Variants in TSC22D1 observed in about 807,000 individuals in gnomAD.
TSC22D1 encodes TSC22 domain family member 1, also known as TSC22 domain family protein 1.
A neutral mutation model predicts 74.2 loss-of-function variants in TSC22D1; 9 were observed. That is an observed-to-expected ratio of 0.12 (90% CI 0.07 to 0.21). The LOEUF (loss-of-function observed/expected upper bound fraction) is 0.21, where lower values mean the gene tolerates loss of function less well. Ranked by LOEUF, TSC22D1 falls within the 10% of genes least tolerant of loss-of-function variation. TSC22D1 has a pLI of 1.00. For synonymous variants in TSC22D1, 586 were observed against 492.5 expected (o/e 1.19, Z -2.51); for missense variants, 1,427 against 1,304.7 (o/e 1.09, Z -1.44).
intron 1 of TSC22D1, among the ~76,000 whole-genome samples, chr13:44,548,628 C>G (rs1881986752): frequency 6.6e-6 from 1 of 152,018 alleles, no homozygotes; most frequent in African/African-American, 2.4e-5. Flanking sequence ...TTTTACAAGA[C>G]AGTAAAACTT....
intron 1 of TSC22D1, among the ~76,000 whole-genome samples, chr13:44,515,086 A>G (rs1187558538): frequency 6.6e-6 from 1 of 152,184 alleles, no homozygotes; most frequent in African/African-American, 2.4e-5. Context: ...ATAGTCATCA[A>G]AATTATAAAA....
At chr13:44,526,051 A>G (rs1401898724) in intron 1 of TSC22D1, among the ~76,000 whole-genome samples, 9 of 152,178 alleles carry the variant, frequency 5.9e-5, no homozygotes, top group Non-Finnish European at 1.3e-4. Flanking sequence ...GCAGTTAGCC[A>G]AGACTGTGCC....
chr13:44,483,454 G>T (rs571259676), intron 1 of TSC22D1, among the ~76,000 whole-genome samples: 3 of 152,144 alleles, frequency 2.0e-5, no homozygotes, highest in Non-Finnish European at 4.4e-5. Flanking sequence ...GAGGTCAGGA[G>T]ATCGAGACCA....
At chr13:44,563,019 C>T (rs953623097) in intron 1 of TSC22D1, among the ~76,000 whole-genome samples, 1 of 151,142 alleles carries the variant, frequency 6.6e-6, no homozygotes, top group African/African-American at 2.4e-5. Flanking sequence ...GCAGGAGAAT[C>T]GATGAACCCG....
intron 1 of TSC22D1, among the ~76,000 whole-genome samples, chr13:44,447,731 T>C (rs1156692211): frequency 3.3e-5 from 5 of 151,918 alleles, no homozygotes; most frequent in South Asian, 4.1e-4. Context: ...GTTACAATTC[T>C]AGAAACAATT....
chr13:44,536,590 TA>T (rs1881139463), intron 1 of TSC22D1: 1 of 326,902 alleles, frequency 3.1e-6, no homozygotes, highest in African/African-American at 2.2e-5. Flanking sequence ...ATGAATTGCA[TA>T]GTTCTCTAAT....
At chr13:44,436,286 T>A (rs1423790456) in intron 1 of TSC22D1, 191 bp from the exon 2 acceptor site, 1 of 889,530 alleles carries the variant, frequency 1.1e-6, no homozygotes, top group African/African-American at 1.7e-5. Flanking sequence ...ATCTCCCTAT[T>A]TTAGTAAGCC....
chr13:44,575,848 C>A lies in TSC22D1; in HGVS notation c.227G>T (p.Gly76Val). ...PPPPAASSTS[G>V]PQPPPPQSLN... ...GCTTTGTGGAGGCGGAGGCTGTGGT[C>A]CCGACGTAGAAGATGCTGCAGGGGG... is the stretch of plus-strand genomic sequence containing the variant. The change falls in exon 1 of 3, where the codon GGA becomes GTA. Residue 76 changes from glycine to valine, a missense_variant. Gly to Val is a moderately radical substitution (Grantham distance 109). Transcript: ENST00000458659. 1 of 1,613,874 alleles carries A rather than the reference C, an allele frequency of 6.2e-7. No individual in the cohort carries two copies. Among genetic ancestry groups the A allele is most frequent in the South Asian group, 1.1e-5 (1 of 91,050 alleles).
intron 1 of TSC22D1, among the ~76,000 whole-genome samples, chr13:44,567,859 G>A (rs1049463736): frequency 6.6e-6 from 1 of 152,068 alleles, no homozygotes; most frequent in African/African-American, 2.4e-5. Flanking sequence ...ACTCAGCACA[G>A]TGAATGAAAA....
intron 1 of TSC22D1, chr13:44,537,208 C>T: frequency 1.1e-6 from 1 of 884,616 alleles, no homozygotes; most frequent in Middle Eastern, 5.8e-4. Context: ...TATTCATAAA[C>T]ACTGAAAAAT....
At chr13:44,552,721 G>A (rs1182270457) in intron 1 of TSC22D1, among the ~76,000 whole-genome samples, 1 of 152,186 alleles carries the variant, frequency 6.6e-6, no homozygotes, top group Non-Finnish European at 1.5e-5. Flanking sequence ...GGGCGTGGTG[G>A]CTCACGCCTG....
At chr13:44,453,818 T>C (rs2138921606) in intron 1 of TSC22D1, among the ~76,000 whole-genome samples, 1 of 152,380 alleles carries the variant, frequency 6.6e-6, no homozygotes, top group Non-Finnish European at 1.5e-5. Flanking sequence ...ATCAGAGTAT[T>C]ACACGTATGT....
chr13:44,521,322 T>G (rs112791850), intron 1 of TSC22D1, among the ~76,000 whole-genome samples: 13 of 152,174 alleles, frequency 8.5e-5, no homozygotes, highest in African/African-American at 3.1e-4. Flanking sequence ...AGTCATGCTA[T>G]GGGATTTAAT....
intron 1 of TSC22D1, among the ~76,000 whole-genome samples, chr13:44,459,953 G>A (rs1566123581): frequency 6.6e-6 from 1 of 152,198 alleles, no homozygotes; most frequent in African/African-American, 2.4e-5. Flanking sequence ...AGTAGCACAA[G>A]CGGAGAGCAG....
At chr13:44,440,117 C>T (rs1236554409) in intron 1 of TSC22D1, among the ~76,000 whole-genome samples, 1 of 152,208 alleles carries the variant, frequency 6.6e-6, no homozygotes, top group Non-Finnish European at 1.5e-5. Context: ...ACAGGACTAT[C>T]AGTTAAATGT....
Position 44,568,076 on chromosome 13 carries a change from GCA to G in TSC22D1, c.2912+5085_2912+5086del, listed in dbSNP as rs536766750. 9.1e-3 allele frequency among the ~76,000 whole-genome samples: 1,387 copies of G among 152,290 alleles called. 16 individuals carry two copies. The highest frequency in any genetic ancestry group is 0.031 in the African/African-American group (1,309 of 41,560). ...TCAAAAGCAATATGGATGTTAGAAGGCAATGGCACAAAATATAAGAGAACATA... is the reference window on the plus strand; with the variant it reads ...TCAAAAGCAATATGGATGTTAGAAGGATGGCACAAAATATAAGAGAACATA... On this transcript the variant is annotated intron_variant, in intron 1 of 2. Transcript: ENST00000458659.
intron 1 of TSC22D1, among the ~76,000 whole-genome samples, chr13:44,551,389 GGTGTGTGTGTGTGT>G (rs376368576): frequency 3.5e-4 from 44 of 125,304 alleles, no homozygotes; most frequent in Middle Eastern, 3.8e-3. Context: ...CAATCAGATG[GGTGTGTGTGTGTGT>G]GTGTGTGTGT....
intron 1 of TSC22D1, among the ~76,000 whole-genome samples, chr13:44,489,163 C>T (rs142806853): frequency 6.9e-6 from 1 of 145,954 alleles, no homozygotes; most frequent in African/African-American, 2.5e-5. Flanking sequence ...ATTAGGTATC[C>T]ACATGGGGAA....
rs1189519045 is a variant in TSC22D1, at chr13:44,575,352, A to G, written c.723T>C (p.His241=). The change falls in exon 1 of 3, where the codon CAT becomes CAC. Residue 241 remains histidine, a synonymous_variant. Transcript: ENST00000458659. ...HLQHGHHHPS[H]VAVASASITG... Reference sequence around the variant, plus strand: ...TAATGGATGCACTGGCCACAGCAACATGAGATGGATGGTGGTGACCATGTT... The same window carrying G: ...TAATGGATGCACTGGCCACAGCAACGTGAGATGGATGGTGGTGACCATGTT... 1 of 1,614,178 alleles carries G rather than the reference A, an allele frequency of 6.2e-7. No homozygotes were observed. Among genetic ancestry groups the G allele is most frequent in the South Asian group, 1.1e-5 (1 of 91,078 alleles).
Sources: gnomAD v4.1 joint callset for allele counts (sites outside exome capture counted in the v4.1 genomes callset) on GRCh38, gnomAD v4.1.1 for gene constraint, MANE v1.5 for transcripts, NCBI Gene and HGNC (gene_info 2026-07-23, HGNC 2026-07-21) for gene names.